CNTN4: variants seen among roughly 807,000 people sequenced by gnomAD.
The protein encoded by CNTN4 is contactin 4.
In CNTN4, 77 loss-of-function variants were observed where a neutral mutation model predicts 122.5. The observed-to-expected ratio is 0.63, with a 90% CI of 0.52 to 0.76. The LOEUF (loss-of-function observed/expected upper bound fraction) is 0.76, where lower values mean the gene tolerates loss of function less well. CNTN4 is among the 30% of genes least tolerant of loss of function. The probability of loss-of-function intolerance (pLI) is 0.00; values close to 1 mark genes in which losing one functional copy is unlikely to be tolerated. For synonymous variants in CNTN4, 512 were observed against 447.0 expected, an observed-to-expected ratio of 1.15 and a Z score of -1.83; for missense variants, 1,256 against 1,259.1, an observed-to-expected ratio of 1.00 and a Z score of 0.04.
intron 3 of CNTN4, among the ~76,000 whole-genome samples, chr3:2,414,972 C>A (rs1389168691): frequency 6.6e-6 from 1 of 152,158 alleles, no homozygotes; most frequent in Non-Finnish European, 1.5e-5. Context: ...TCTGATATTT[C>A]AAAATTGGGA....
chr3:2,750,299 A>G (rs1270296788), intron 6 of CNTN4, among the ~76,000 whole-genome samples: 1 of 152,192 alleles, frequency 6.6e-6, no homozygotes, highest in East Asian at 1.9e-4. Flanking sequence ...ACTTTCTATA[A>G]TTTTATTCAG....
At chr3:2,187,420 T>C (rs546364737) in intron 2 of CNTN4, among the ~76,000 whole-genome samples, 2 of 152,182 alleles carry the variant, frequency 1.3e-5, no homozygotes, top group Non-Finnish European at 2.9e-5. Flanking sequence ...GGCTCTTTTT[T>C]GGGAATCATT....
At position 2,140,674 on chromosome 3, in the gene CNTN4, T is replaced by G. The variant is rs530592397; in HGVS notation, c.-145+40035T>G. ...TATTAGGATTTCAAGATATGAATTT[T>G]GGGGGAACATAAACATTCAGACCAT... is the stretch of plus-strand genomic sequence containing the variant. On this transcript the variant is annotated intron_variant, in intron 2 of 24. Coordinates refer to ENST00000418658, the MANE Select transcript of CNTN4 (RefSeq NM_175607.3). Among the ~76,000 whole-genome samples the G allele has an allele frequency of 2.0e-5, 3 of 152,330 alleles. No individual in the cohort carries two copies. The East Asian group carries it at 5.8e-4, about 29-fold the overall frequency.
chr3:2,671,397 G>T (rs1371404127), intron 4 of CNTN4, among the ~76,000 whole-genome samples: 1 of 152,112 alleles, frequency 6.6e-6, no homozygotes, highest in African/African-American at 2.4e-5. Flanking sequence ...ACTGAAGCTT[G>T]TGCGTTCGTC....
intron 2 of CNTN4, among the ~76,000 whole-genome samples, chr3:2,218,858 T>G (rs1379713151): frequency 2.0e-5 from 3 of 152,354 alleles, no homozygotes; most frequent in African/African-American, 7.2e-5. Flanking sequence ...ATTCCAATTT[T>G]GCTTATCAGT....
chr3:2,892,626 G>A (rs187560377), intron 10 of CNTN4, among the ~76,000 whole-genome samples: 2 of 152,308 alleles, frequency 1.3e-5, no homozygotes, highest in East Asian at 3.9e-4. Context: ...AAGACTGATA[G>A]AATTATAGTC....
chr3:2,682,056 C>T (rs9814200), intron 4 of CNTN4, among the ~76,000 whole-genome samples: 32,839 of 152,038 alleles, frequency 0.22, 3,850 homozygotes, highest in South Asian at 0.45. Context: ...CAATATGAAT[C>T]GTTATCCATT....
intron 12 of CNTN4, among the ~76,000 whole-genome samples, chr3:2,914,007 C>T (rs943356302): frequency 3.3e-5 from 5 of 152,048 alleles, no homozygotes; most frequent in South Asian, 2.1e-4. Context: ...AGAGGAAAAA[C>T]GGGAAATCCA....
At chr3:2,134,111 C>T (rs996379822) in intron 2 of CNTN4, among the ~76,000 whole-genome samples, 4 of 152,110 alleles carry the variant, frequency 2.6e-5, no homozygotes, top group African/African-American at 7.2e-5. Flanking sequence ...GGGAATGTAC[C>T]GACCTCCATT....
At chr3:2,115,314 G>C (rs2033273490) in intron 2 of CNTN4, among the ~76,000 whole-genome samples, 1 of 152,170 alleles carries the variant, frequency 6.6e-6, no homozygotes, top group Admixed American at 6.5e-5. Flanking sequence ...CTCTACTGGG[G>C]GTTTTGGAGC....
intron 2 of CNTN4, among the ~76,000 whole-genome samples, chr3:2,164,150 C>A (rs553251572): frequency 7.9e-5 from 12 of 151,952 alleles, no homozygotes; most frequent in Non-Finnish European, 1.6e-4. Flanking sequence ...AAGAAACCAC[C>A]TGTACCCCCA....
chr3:2,723,434 G>A (rs1323015903), intron 4 of CNTN4, among the ~76,000 whole-genome samples: 1 of 152,172 alleles, frequency 6.6e-6, no homozygotes, highest in Non-Finnish European at 1.5e-5. Flanking sequence ...CACTATTCTG[G>A]AGACTGGAGA....
intron 12 of CNTN4, among the ~76,000 whole-genome samples, chr3:2,911,377 T>C (rs2094297843): frequency 6.6e-6 from 1 of 152,142 alleles, no homozygotes; most frequent in Non-Finnish European, 1.5e-5. Flanking sequence ...GGGGATTACA[T>C]ACAAAAGCCC....
chr3:2,836,658 CAAAAT>C (rs1053728677), intron 7 of CNTN4, among the ~76,000 whole-genome samples: 10 of 151,402 alleles, frequency 6.6e-5, no homozygotes, highest in African/African-American at 2.4e-4. Context: ...ACAGGTAACT[CAAAAT>C]AAGCCAAAAT....
At chr3:2,438,252 G>T (rs779767396) in intron 3 of CNTN4, among the ~76,000 whole-genome samples, 8 of 152,200 alleles carry the variant, frequency 5.3e-5, no homozygotes, top group Non-Finnish European at 1.2e-4. Context: ...GGGCACGGTT[G>T]CTCACGCTAG....
intron 6 of CNTN4, among the ~76,000 whole-genome samples, chr3:2,746,086 TAC>T (rs57086556): frequency 0.044 from 2,033 of 46,224 alleles, 53 homozygotes; most frequent in African/African-American, 0.088. Flanking sequence ...GAACAAATTT[TAC>T]ACACACACAC....
At position 2,307,413 on chromosome 3, in the gene CNTN4, C is replaced by T. The variant is rs577125028; in HGVS notation, c.-144-31765C>T. ...TTGTGCCACTGCACTCTAGCCTGGG[C>T]GACAGAGCAAGACTCCATCTCAAAA... On this transcript the variant is annotated intron_variant, in intron 2 of 24. Coordinates refer to ENST00000418658, the MANE Select transcript of CNTN4 (RefSeq NM_175607.3). 5.5e-5 allele frequency among the ~76,000 whole-genome samples: 8 copies of T among 146,734 alleles called. No homozygotes were observed. The South Asian group carries it at 8.6e-4, about 16-fold the overall frequency.
chr3:2,807,628 T>C (rs1429244628), intron 6 of CNTN4, among the ~76,000 whole-genome samples: 5 of 152,176 alleles, frequency 3.3e-5, no homozygotes, highest in African/African-American at 9.7e-5. Flanking sequence ...TTACTCCCCA[T>C]ACCTTTGATT....
intron 6 of CNTN4, among the ~76,000 whole-genome samples, chr3:2,803,192 A>G (rs1040599300): frequency 5.9e-5 from 9 of 152,214 alleles, no homozygotes; most frequent in Non-Finnish European, 1.3e-4. Context: ...TGAAAAACCA[A>G]CTTTATTAAT....
Sources: gnomAD v4.1 joint callset for allele counts (sites outside exome capture counted in the v4.1 genomes callset) on GRCh38, gnomAD v4.1.1 for gene constraint, MANE v1.5 for transcripts, NCBI Gene and HGNC (gene_info 2026-07-23, HGNC 2026-07-21) for gene names.